FRAS1: variants seen among roughly 807,000 people sequenced by gnomAD.
FRAS1 encodes extracellular matrix organizing protein FRAS1.
A neutral mutation model predicts 435.2 loss-of-function variants in FRAS1; 290 were observed. The observed-to-expected ratio is 0.67, with a 90% CI of 0.61 to 0.73. FRAS1 has a LOEUF of 0.73. FRAS1 is among the 30% of genes least tolerant of loss of function. The pLI is 0.00. For missense variants in FRAS1, 4,860 were observed against 5,001.5 expected (o/e 0.97, Z 0.85); for synonymous variants, 1,800 against 1,851.0 (o/e 0.97, Z 0.71).
At chr4:78,423,451 C>G (rs919128402) in intron 34 of FRAS1, among the ~76,000 whole-genome samples, 22 of 152,190 alleles carry the variant, frequency 1.4e-4, no homozygotes, top group African/African-American at 4.6e-4. Context: ...CTGCTCCCAG[C>G]CACTAGTGCT....
chr4:78,502,983 T>C (rs1421066223), intron 61 of FRAS1, among the ~76,000 whole-genome samples: 3 of 152,234 alleles, frequency 2.0e-5, no homozygotes, highest in Non-Finnish European at 4.4e-5. Context: ...CATGTGGTTT[T>C]TGTCACTGGT....
intron 47 of FRAS1, among the ~76,000 whole-genome samples, chr4:78,460,293 G>A (rs1719329870): frequency 6.6e-6 from 1 of 152,220 alleles, no homozygotes; most frequent in Non-Finnish European, 1.5e-5. Flanking sequence ...GAATTGGAAA[G>A]ACTGACAGGG....
chr4:78,448,475 G>A (rs1334617736), intron 44 of FRAS1, among the ~76,000 whole-genome samples, 159 bp downstream of exon 44: 1 of 151,998 alleles, frequency 6.6e-6, no homozygotes, highest in Admixed American at 6.6e-5. Flanking sequence ...ATTGTTTTTG[G>A]GATACTAAGA....
intron 47 of FRAS1, among the ~76,000 whole-genome samples, chr4:78,458,949 C>G (rs1290538564): frequency 6.6e-6 from 1 of 152,160 alleles, no homozygotes; most frequent in African/African-American, 2.4e-5. Flanking sequence ...AAAAAGAAAG[C>G]AAAGCAGGTG....
Position 78,470,273 on chromosome 4 carries a change from T to G in FRAS1, c.7371+182T>G, listed in dbSNP as rs11728668. On this transcript the variant is annotated intron_variant, in intron 51 of 73. Coordinates refer to ENST00000512123, the MANE Select transcript of FRAS1 (RefSeq NM_025074.7). ...TTAGGATAAACTTGTGTAGGATCGG[T>G]TACGATTGTGTATAGTTTAAGATGC... Among the ~76,000 whole-genome samples the G allele has an allele frequency of 0.34, 51,521 of 152,116 alleles. 8,933 individuals are homozygous for G. The highest frequency in any genetic ancestry group is 0.37 in the African/African-American group (15,369 of 41,476).
chr4:78,196,156 C>T (rs2867007), intron 2 of FRAS1, among the ~76,000 whole-genome samples: 144,717 of 152,062 alleles, frequency 0.95, 69,257 homozygotes, highest in East Asian at 1. Flanking sequence ...TACAGGCACC[C>T]GCCACCACAC....
At chr4:78,347,984 G>GC (rs1417270281) in intron 20 of FRAS1, among the ~76,000 whole-genome samples, 2 of 51,158 alleles carry the variant, frequency 3.9e-5, no homozygotes, top group African/African-American at 3.5e-4. Context: ...CAAGATAGGG[G>GC]AGGAGCCAAG....
chr4:78,216,147 T>C (rs1723758872), intron 2 of FRAS1, among the ~76,000 whole-genome samples: 1 of 152,198 alleles, frequency 6.6e-6, no homozygotes, highest in Non-Finnish European at 1.5e-5. Context: ...TACTTATTAA[T>C]CAGTGAATGA....
chr4:78,101,235 A>T (rs6851242), intron 2 of FRAS1, among the ~76,000 whole-genome samples: 32,923 of 152,034 alleles, frequency 0.22, 3,888 homozygotes, highest in Admixed American at 0.29. Context: ...CTAAAAAAAA[A>T]ATGTGAAGGG....
intron 20 of FRAS1, among the ~76,000 whole-genome samples, chr4:78,357,524 G>A (rs942181028): frequency 1.3e-5 from 2 of 152,142 alleles, no homozygotes; most frequent in Non-Finnish European, 2.9e-5. Context: ...CAGTTTGAAG[G>A]TTTTTTAGGT....
intron 9 of FRAS1, among the ~76,000 whole-genome samples, chr4:78,273,003 T>C (rs1726791657): frequency 6.6e-6 from 1 of 152,236 alleles, no homozygotes; most frequent in African/African-American, 2.4e-5. Flanking sequence ...CAGTGGTTTG[T>C]AGTTCTCCTT....
intron 2 of FRAS1, among the ~76,000 whole-genome samples, chr4:78,069,148 C>A (rs984452202): frequency 1.3e-5 from 2 of 152,134 alleles, no homozygotes; most frequent in Non-Finnish European, 2.9e-5. Flanking sequence ...CCCACATGCT[C>A]ACTGTTTTAG....
chr4:78,125,739 G>C (rs549074504), intron 2 of FRAS1, among the ~76,000 whole-genome samples: 1 of 152,134 alleles, frequency 6.6e-6, no homozygotes, highest in Non-Finnish European at 1.5e-5. Flanking sequence ...CTGCCTGATC[G>C]TTCTTCTGGA....
intron 50 of FRAS1, among the ~76,000 whole-genome samples, chr4:78,468,850 A>T (rs569414695): frequency 2.0e-5 from 3 of 152,338 alleles, no homozygotes; most frequent in Non-Finnish European, 4.4e-5. Flanking sequence ...TAACAAAAGG[A>T]TCCACTTCTC....
At chr4:78,232,433 C>T (rs1724555432) in intron 2 of FRAS1, among the ~76,000 whole-genome samples, 1 of 151,818 alleles carries the variant, frequency 6.6e-6, no homozygotes. Context: ...CTACAGGCGC[C>T]CGCCACCATG....
Position 78,479,580 on chromosome 4 carries a change from T to C in FRAS1, c.8305T>C (p.Phe2769Leu). The change falls in exon 56 of 74, where the codon TTT becomes CTT. Residue 2769 changes from phenylalanine (F) to leucine (L), a missense_variant. Coordinates refer to ENST00000512123, the MANE Select transcript of FRAS1 (RefSeq NM_025074.7). ...DDSEYEEEEE[F>L]EIALADASDN... ...CAGCGAGTATGAAGAGGAAGAAGAG[T>C]TTGAGATTGCCTTGGCAGATGCCTC... The C allele has an allele frequency of 6.2e-7, 1 of 1,613,824 alleles. No individual in the cohort carries two copies. Among genetic ancestry groups the C allele is most frequent in the Non-Finnish European group, 8.5e-7 (1 of 1,179,804 alleles).
At chr4:78,355,578 G>A (rs1262600079) in intron 20 of FRAS1, among the ~76,000 whole-genome samples, 1 of 152,164 alleles carries the variant, frequency 6.6e-6, no homozygotes, top group African/African-American at 2.4e-5. Flanking sequence ...TTACAGGCAG[G>A]AAGGTCAGAT....
chr4:78,476,221 A>G (rs1298581631), intron 54 of FRAS1, among the ~76,000 whole-genome samples: 2 of 152,208 alleles, frequency 1.3e-5, no homozygotes. Context: ...TTAGGTATAA[A>G]TTGTCTTAGA....
At chr4:78,537,946 AAAAAAAAAAAAG>A (rs1243392375) in intron 72 of FRAS1, among the ~76,000 whole-genome samples, 1 of 125,134 alleles carries the variant, frequency 8.0e-6, no homozygotes, top group African/African-American at 3.1e-5. Flanking sequence ...ACCCTATCTC[AAAAAAAAAAAAG>A]AAAAAAAAAA....
Sources: gnomAD v4.1 joint callset for allele counts (sites outside exome capture counted in the v4.1 genomes callset) on GRCh38, gnomAD v4.1.1 for gene constraint, MANE v1.5 for transcripts, NCBI Gene and HGNC (gene_info 2026-07-23, HGNC 2026-07-21) for gene names.